LEKR1: variants seen among roughly 807,000 people sequenced by gnomAD.
The protein encoded by LEKR1 is protein LEKR1.
A neutral mutation model predicts 72.4 loss-of-function variants in LEKR1; 59 were observed. That is an observed-to-expected ratio of 0.82 (90% CI 0.66 to 1.01). LEKR1 has a LOEUF of 1.01. Among genes scored for constraint, LEKR1 ranks in the 50% least tolerant of loss-of-function variants. LEKR1 has a pLI of 0.00. For synonymous variants in LEKR1, 257 were observed against 263.2 expected (o/e 0.98, Z 0.23); for missense variants, 728 against 759.2 (o/e 0.96, Z 0.48).
chr3:156,915,618 T>G (rs969755424), intron 3 of LEKR1, among the ~76,000 whole-genome samples: 15 of 152,242 alleles, frequency 9.9e-5, no homozygotes, highest in African/African-American at 2.9e-4. Context: ...TTGTTTGTTT[T>G]TTTTCTTGTA....
rs1734340406 is a variant in LEKR1 at position 157,028,140 on chromosome 3, G to A, written c.1406G>A (p.Arg469Lys). ...ATCACAGGCGCTACAAGAGATCTAA[G>A]GCAGGAAGTGACCACTCTTAAAGAA... Reference protein sequence around the residue: ...DLITGATRDLRQEVTTLKEKL... With the variant: ...DLITGATRDLKQEVTTLKEKL... The change falls in exon 12 of 13, where the codon AGG becomes AAG. Residue 469 changes from arginine to lysine, a missense_variant. Arg to Lys is a conservative substitution (Grantham distance 26). Coordinates refer to ENST00000356539, the MANE Select transcript of LEKR1 (RefSeq NM_001004316.3). 1 of 1,606,600 alleles carries A rather than the reference G, an allele frequency of 6.2e-7. No homozygotes were observed. The highest frequency in any genetic ancestry group is 8.5e-7 in the Non-Finnish European group (1 of 1,175,974).
chr3:156,921,922 G>T (rs567970645), intron 4 of LEKR1, among the ~76,000 whole-genome samples: 3 of 152,246 alleles, frequency 2.0e-5, no homozygotes, highest in African/African-American at 7.2e-5. Context: ...ACAAATGGAG[G>T]TGTTATTTTT....
chr3:157,002,213 T>C (rs17443114), intron 9 of LEKR1, among the ~76,000 whole-genome samples: 5,078 of 152,298 alleles, frequency 0.033, 101 homozygotes, highest in Admixed American at 0.043. Flanking sequence ...TAAATAGCTA[T>C]ACATTTTCAG....
At chr3:156,871,882 G>A (rs1718000613) in intron 3 of LEKR1, among the ~76,000 whole-genome samples, 1 of 151,962 alleles carries the variant, frequency 6.6e-6, no homozygotes, top group Non-Finnish European at 1.5e-5. Flanking sequence ...CAGGGATATT[G>A]GCTTATAATT....
chr3:156,853,047 C>T (rs1715590983), intron 3 of LEKR1, 65 bp downstream of exon 3: 1 of 1,075,870 alleles, frequency 9.3e-7, no homozygotes, highest in Non-Finnish European at 1.3e-6. Context: ...AATAAATACA[C>T]TTTGAATGTT....
intron 3 of LEKR1, among the ~76,000 whole-genome samples, chr3:156,855,984 A>C (rs933635581): frequency 4.2e-5 from 6 of 141,312 alleles, no homozygotes; most frequent in African/African-American, 1.8e-4. Flanking sequence ...GTCTATGAAG[A>C]CTTCATACAA....
rs551725573 is a variant in LEKR1, at chr3:157,042,483, T to C, written c.1669-2857T>C. Among the ~76,000 whole-genome samples, 3 of 152,302 alleles carry C rather than the reference T, an allele frequency of 2.0e-5. No individual in the cohort carries two copies. The South Asian group carries it at 6.2e-4, about 32-fold the overall frequency. On this transcript the variant is annotated intron_variant, in intron 12 of 12. Transcript: ENST00000356539. ...ATAAAGCATGGGTGCACAGTTCAGC[T>C]TAGAGTCTGCCAGGAATTTGCTCCC... is the stretch of plus-strand genomic sequence containing the variant.
chr3:156,942,217 TAA>T (rs1726271924), intron 5 of LEKR1, among the ~76,000 whole-genome samples: 1 of 151,978 alleles, frequency 6.6e-6, no homozygotes, highest in Non-Finnish European at 1.5e-5. Flanking sequence ...ATAAAACCTA[TAA>T]CATTACACAG....
At chr3:157,029,520 C>T (rs946843606) in intron 12 of LEKR1, among the ~76,000 whole-genome samples, 3 of 152,138 alleles carry the variant, frequency 2.0e-5, no homozygotes, top group Non-Finnish European at 4.4e-5. Flanking sequence ...TATTATTCTG[C>T]TTCTGTATTT....
intron 6 of LEKR1, among the ~76,000 whole-genome samples, chr3:156,963,388 G>A (rs1416106034): frequency 6.6e-6 from 1 of 152,136 alleles, no homozygotes; most frequent in African/African-American, 2.4e-5. Context: ...GACTCACCCA[G>A]GCACAGAACA....
intron 6 of LEKR1, among the ~76,000 whole-genome samples, chr3:156,967,457 C>T (rs942358884): frequency 6.6e-6 from 1 of 152,126 alleles, no homozygotes; most frequent in Non-Finnish European, 1.5e-5. Context: ...AAAATCAAGG[C>T]ACGAGAACTA....
intron 11 of LEKR1, 53 bp downstream of exon 11, chr3:157,024,977 T>A: frequency 7.8e-7 from 1 of 1,279,190 alleles, no homozygotes. Context: ...CTGCAGATGT[T>A]GTATATTTCG....
chr3:156,849,112 AACAG>A (rs1377334093), intron 2 of LEKR1, among the ~76,000 whole-genome samples: 1 of 152,172 alleles, frequency 6.6e-6, no homozygotes, highest in Non-Finnish European at 1.5e-5. Context: ...ATACACCAAT[AACAG>A]ACAAACAGAG....
At chr3:156,965,169 A>G (rs1728456963) in intron 6 of LEKR1, among the ~76,000 whole-genome samples, 1 of 152,136 alleles carries the variant, frequency 6.6e-6, no homozygotes, top group Admixed American at 6.5e-5. Context: ...TATTATATTC[A>G]TTTTGCCAGT....
intron 3 of LEKR1, among the ~76,000 whole-genome samples, chr3:156,916,016 G>T (rs1209059923): frequency 6.6e-6 from 1 of 152,112 alleles, no homozygotes; most frequent in African/African-American, 2.4e-5. Flanking sequence ...ATTGAATAGG[G>T]AGTCTTTTCC....
chr3:157,023,321 C>A (rs986821036), intron 10 of LEKR1, among the ~76,000 whole-genome samples: 8 of 152,180 alleles, frequency 5.3e-5, no homozygotes, highest in Non-Finnish European at 2.9e-5. Context: ...GATTTCTTCT[C>A]TTTCTTGTTT....
Position 156,881,359 on chromosome 3 carries a change from GACAA to G in LEKR1, c.263+28381_263+28384del, listed in dbSNP as rs1404840663. Among the ~76,000 whole-genome samples the G allele has an allele frequency of 1.1e-4, 16 of 152,046 alleles. 1 individual carries two copies. In the South Asian group the frequency reaches 1.7e-3, roughly 16 times the overall value. ...CAAGCATTCTTATACACCAATAACA[GACAA>G]ACAGAGAGCCAAATCATGAGTGAAC... On this transcript the variant is annotated intron_variant, in intron 3 of 12. Coordinates refer to ENST00000356539, the MANE Select transcript of LEKR1 (RefSeq NM_001004316.3).
chr3:156,989,245 A>C (rs575987658), intron 7 of LEKR1, among the ~76,000 whole-genome samples: 1 of 152,228 alleles, frequency 6.6e-6, no homozygotes. Flanking sequence ...ATTCCAATCT[A>C]TGGATGAACC....
At chr3:156,859,848 G>A (rs1306486481) in intron 3 of LEKR1, among the ~76,000 whole-genome samples, 1 of 152,212 alleles carries the variant, frequency 6.6e-6, no homozygotes, top group Non-Finnish European at 1.5e-5. Context: ...AGTACGGCAA[G>A]TACTGCCAAG....
Sources: gnomAD v4.1 joint callset for allele counts (sites outside exome capture counted in the v4.1 genomes callset) on GRCh38, gnomAD v4.1.1 for gene constraint, MANE v1.5 for transcripts, NCBI Gene and HGNC (gene_info 2026-07-23, HGNC 2026-07-21) for gene names.